The following SON variants were observed in gnomAD, a reference collection of about 807,000 sequenced individuals.
The protein encoded by SON is SON DNA and RNA binding protein.
SON carries 4 observed loss-of-function variants against 173.3 expected under a neutral mutation model. The ratio of observed to expected loss-of-function variants is 0.02; its 90% CI spans 0.01 to 0.05. SON has a LOEUF of 0.05. Ranked by LOEUF, SON falls within the 10% of genes least tolerant of loss-of-function variation. The pLI is 1.00. For missense variants in SON, 2,626 were observed against 3,055.3 expected, an observed-to-expected ratio of 0.86 and a Z score of 3.31; for synonymous variants, 1,190 against 1,105.9, an observed-to-expected ratio of 1.08 and a Z score of -1.51.
intron 6 of SON, chr21:33,560,262 G>T (rs2086046507): frequency 2.1e-6 from 3 of 1,454,442 alleles, no homozygotes; most frequent in Non-Finnish European, 2.7e-6. Context: ...CTTAATGATG[G>T]TTTCTTACTG....
chr21:33,557,247 A>ACCT lies in SON; in HGVS notation c.6255_6257dup (p.Pro2087dup). 6.2e-7 allele frequency: 1 copy of ACCT among 1,613,498 alleles called. No homozygotes were observed. Among genetic ancestry groups the ACCT allele is most frequent in the South Asian group, 1.1e-5 (1 of 91,046 alleles). ...CTTTACCACCAAACCTAAAGCCTGC[A>ACCT]CCTCCACCTACTATAGAAGAGAAAG... On this transcript the variant is annotated inframe_insertion, in exon 4 of 12. Coordinates refer to ENST00000356577, the MANE Select transcript of SON (RefSeq NM_138927.4).
At position 33,545,026 on chromosome 21, in the gene SON, C is replaced by T. The variant is rs2085582288; in HGVS notation, c.78-1187C>T. On this transcript the variant is annotated intron_variant, in intron 1 of 11. Transcript: ENST00000356577. ...AGTGAGCTGTTTTTTTTCTCATCTG[C>T]TTTTATGTAAATTAGAGTAATGAGG... Among the ~76,000 whole-genome samples the T allele has an allele frequency of 2.0e-5, 3 of 152,190 alleles. No individual in the cohort carries two copies. The South Asian group carries it at 6.2e-4, about 32-fold the overall frequency.
rs779507097 is a variant in SON, at chr21:33,546,298, A to G, written c.163A>G (p.Ser55Gly). The change falls in exon 2 of 12, where the codon AGT becomes GGT. Residue 55 changes from serine to glycine, a missense_variant. Ser to Gly is a moderately conservative substitution (Grantham distance 56). This residue lies in a region of SON where 757 missense variants were observed against 730.1 expected (regional missense o/e 1.04). Coordinates refer to ENST00000356577, the MANE Select transcript of SON (RefSeq NM_138927.4). ...GGGTGATGCAGCTGCCTCTGCCAGG[A>G]GTCTACCAAATGAAGAAATAGTGCA... The part of the protein sequence containing the change: ...QAGDAAASAR[S>G]LPNEEIVQKI... 2 of 1,613,742 alleles carry G rather than the reference A, an allele frequency of 1.2e-6. No individual in the cohort carries two copies. The highest frequency in any genetic ancestry group is 2.2e-5 in the South Asian group (2 of 91,028).
chr21:33,557,425 C>T (rs1018791898), intron 4 of SON, 109 bp downstream of exon 4: 8 of 1,537,380 alleles, frequency 5.2e-6, no homozygotes, highest in African/African-American at 2.8e-5. Context: ...TGGCTGGCAC[C>T]GAGTGGCCAA....
Position 33,550,553 on chromosome 21 carries a change from C to T in SON, c.1322C>T (p.Pro441Leu). 1 of 1,613,278 alleles carries T rather than the reference C, an allele frequency of 6.2e-7. No individual in the cohort carries two copies. ...PATAVPELPG[P>L]SVTPVPQLSQ... Reference sequence around the variant, plus strand: ...ACAGCAGTGCCTGAGTTGCCAGGGCCCTCTGTGACACCAGTGCCACAGTTG... The same window carrying T: ...ACAGCAGTGCCTGAGTTGCCAGGGCTCTCTGTGACACCAGTGCCACAGTTG... Residue 441 changes from proline (P) to leucine (L), a missense_variant, in exon 3 of 12, where the codon CCC (proline) becomes CTC (leucine). Pro to Leu is a moderately conservative substitution (Grantham distance 98). This residue lies in a region of SON where 757 missense variants were observed against 730.1 expected (regional missense o/e 1.04). Coordinates refer to ENST00000356577, the MANE Select transcript of SON (RefSeq NM_138927.4).
chr21:33,574,098 A>G (rs777373751), intron 9 of SON, among the ~76,000 whole-genome samples: 4 of 152,210 alleles, frequency 2.6e-5, no homozygotes, highest in Non-Finnish European at 5.9e-5. Flanking sequence ...GTAGTTGCTA[A>G]GTATTTAATC....
chr21:33,552,641 C>A lies in SON; in HGVS notation c.3410C>A (p.Thr1137Asn). 1 of 1,614,132 alleles carries A rather than the reference C, an allele frequency of 6.2e-7. No homozygotes were observed. The highest frequency in any genetic ancestry group is 8.5e-7 in the Non-Finnish European group (1 of 1,180,012). The change falls in exon 3 of 12, where the codon ACT becomes AAT. Residue 1137 changes from threonine to asparagine, a missense_variant. This residue lies in a region of SON where 366 missense variants were observed against 448.6 expected (regional missense o/e 0.82). Coordinates refer to ENST00000356577, the MANE Select transcript of SON (RefSeq NM_138927.4). The surrounding 1 kb of genome is among the most constrained non-coding windows in gnomAD (Gnocchi z 5.6). ...GCTGATTCTTACACCGATTCTTACACTGACACATATACAGAGGCATATATG... is the reference window on the plus strand; with the variant it reads ...GCTGATTCTTACACCGATTCTTACAATGACACATATACAGAGGCATATATG... ...MAADSYTDSY[T>N]DTYTEAYMVP...
In SON at chr21:33,554,073, T is replaced by G; in HGVS notation, c.4842T>G (p.Phe1614Leu). ...CAGGAACTAGTAAGGGTATTGAATT[T>G]ACCACAGCATCTACTCTCAGTTTAG... ...DATGTSKGIEFTTASTLSLVN... is the reference protein window; with the variant it reads ...DATGTSKGIELTTASTLSLVN... Residue 1614 changes from phenylalanine to leucine, a missense_variant, in exon 3 of 12, where the codon TTT becomes TTG. Phe to Leu is a conservative substitution (Grantham distance 22). Around this residue, in one of 13 missense-constraint regions of SON, gnomAD observed 1,006 missense variants for 895.6 expected, o/e 1.12. Transcript: ENST00000356577. The G allele has an allele frequency of 3.7e-6, 6 of 1,614,132 alleles. No homozygotes were observed. Among genetic ancestry groups the G allele is most frequent in the Non-Finnish European group, 4.2e-6 (5 of 1,180,008 alleles).
Position 33,552,819 on chromosome 21 carries a change from T to C in SON, c.3588T>C (p.Pro1196=). Residue 1196 remains proline (P), a synonymous_variant, in exon 3 of 12, where the codon CCT becomes CCC. Coordinates refer to ENST00000356577, the MANE Select transcript of SON (RefSeq NM_138927.4). The surrounding 1 kb of genome is among the most constrained non-coding windows in gnomAD (Gnocchi z 5.6). The stretch of plus-strand genomic sequence containing the variant: ...CATTAACAGCTGAAAATACTTGGCC[T>C]ACAGAGGTGCCATCATCACCATCTG... ...QSALTAENTW[P]TEVPSSPSEE... 2.5e-6 allele frequency: 4 copies of C among 1,613,966 alleles called. No homozygotes were observed. The highest frequency in any genetic ancestry group is 3.4e-6 in the Non-Finnish European group (4 of 1,179,982).
intron 8 of SON, among the ~76,000 whole-genome samples, chr21:33,570,607 G>A (rs1172892358): frequency 6.6e-6 from 1 of 152,090 alleles, no homozygotes; most frequent in African/African-American, 2.4e-5. Context: ...CTATATTATA[G>A]TTACTATGAA....
intron 6 of SON, among the ~76,000 whole-genome samples, chr21:33,566,386 G>A (rs1342675486): frequency 2.0e-5 from 3 of 151,898 alleles, no homozygotes; most frequent in Non-Finnish European, 1.5e-5. Flanking sequence ...GACAAATTAA[G>A]AATTGGCTCC....
chr21:33,565,549 A>T (rs2086151620), intron 6 of SON, among the ~76,000 whole-genome samples: 1 of 152,210 alleles, frequency 6.6e-6, no homozygotes, highest in Non-Finnish European at 1.5e-5. Flanking sequence ...TTAAAGTCCC[A>T]GGAATCAAAC....
In SON at chr21:33,576,676, A is replaced by C. The variant is rs184048098; in HGVS notation, c.*252A>C. On this transcript the variant is annotated 3_prime_UTR_variant, in exon 12 of 12. Transcript: ENST00000356577. ...TTTGGCAATTTAAGACATTGTGTAA[A>C]AAGCAATCTGTAAAAACATCTCCAG... is the stretch of plus-strand genomic sequence containing the variant. 1.4e-3 allele frequency: 800 copies of C among 586,348 alleles called. 2 individuals carry two copies. Among genetic ancestry groups the C allele is most frequent in the Non-Finnish European group, 1.8e-3 (562 of 318,500 alleles). 36.3% of individuals were successfully genotyped at this position (586,348 alleles called of 1,614,324 possible). A position where few individuals can be genotyped will look rare whatever the true frequency, so the allele number is the denominator to read the frequency against.
Position 33,553,099 on chromosome 21 carries a change from G to A in SON, c.3868G>A (p.Ala1290Thr), listed in dbSNP as rs140427337. ...PVTCMVSETP[A>T]MSAEPTVLAS... ...GACTTGTATGGTATCTGAAACTCCC[G>A]CCATGTCAGCTGAACCAACTGTGTT... is the stretch of plus-strand genomic sequence containing the variant. Residue 1290 changes from alanine (A) to threonine (T), a missense_variant, in exon 3 of 12, where the codon GCC (alanine) becomes ACC (threonine). This residue lies in a region of SON where 1,006 missense variants were observed against 895.6 expected (regional missense o/e 1.12). Transcript: ENST00000356577. 11 of 1,614,034 alleles carry A rather than the reference G, an allele frequency of 6.8e-6. No homozygotes were observed. The highest frequency in any genetic ancestry group is 3.3e-5 in the South Asian group (3 of 91,092).
chr21:33,553,593 C>T lies in SON; in HGVS notation c.4362C>T (p.Val1454=). 1 of 1,614,062 alleles carries T rather than the reference C, an allele frequency of 6.2e-7. No individual in the cohort carries two copies. Among genetic ancestry groups the T allele is most frequent in the South Asian group, 1.1e-5 (1 of 91,068 alleles). ...TVTVSEPAVT[V]SEQTQVIPTE... is the part of the protein sequence containing the mutation. ...CAGTTTCAGAGCCTGCTGTCACAGT[C>T]TCAGAGCAGACTCAAGTAATACCAA... Residue 1454 remains valine (V), a synonymous_variant, in exon 3 of 12, where the codon GTC becomes GTT. Coordinates refer to ENST00000356577, the MANE Select transcript of SON (RefSeq NM_138927.4).
intron 1 of SON, among the ~76,000 whole-genome samples, 157 bp from the exon 2 acceptor site, chr21:33,546,056 A>G (rs1206152427): frequency 3.3e-5 from 5 of 152,254 alleles, no homozygotes; most frequent in African/African-American, 1.2e-4. Context: ...ATATAAGTAG[A>G]TCATGGTAAG....
intron 6 of SON, chr21:33,560,514 C>T (rs749101952): frequency 3.5e-5 from 35 of 997,672 alleles, no homozygotes; most frequent in Admixed American, 5.5e-5. Flanking sequence ...ATTAAAATGC[C>T]GCCTGATTAA....
chr21:33,558,706 C>T (rs768479780), intron 4 of SON: 3 of 152,126 alleles, frequency 2.0e-5, no homozygotes, highest in Non-Finnish European at 2.9e-5. Flanking sequence ...TCTCCTTTCC[C>T]TACCAGTCTT....
Position 33,556,949 on chromosome 21 carries a change from T to G in SON, c.6161-207T>G, listed in dbSNP as rs56288237. Among the ~76,000 whole-genome samples, 12,113 of 151,380 alleles carry G rather than the reference T, an allele frequency of 0.08. 727 individuals are homozygous for G. The highest frequency in any genetic ancestry group is 0.25 in the East Asian group (1,296 of 5,122). On this transcript the variant is annotated intron_variant, in intron 3 of 11. Coordinates refer to ENST00000356577, the MANE Select transcript of SON (RefSeq NM_138927.4). ...CTGAATGAGGCCACTGCTGAAAAAC[T>G]TTGAGCCAGTGGTTTGATCATAGCT... is the stretch of plus-strand genomic sequence containing the variant.
Sources: gnomAD v4.1 joint callset for allele counts (sites outside exome capture counted in the v4.1 genomes callset) on GRCh38, gnomAD v4.1.1 for gene constraint, gnomAD v4.1.1 regional missense constraint, Gnocchi (gnomAD v3.1) non-coding constraint, MANE v1.5 for transcripts, NCBI Gene and HGNC (gene_info 2026-07-23, HGNC 2026-07-21) for gene names.